The following CLSTN2 variants were observed in gnomAD, a reference collection of about 807,000 sequenced individuals.
CLSTN2 encodes calsyntenin-2.
Under a neutral mutation model 101.2 loss-of-function variants are expected in CLSTN2, and 48 were observed. The observed-to-expected ratio is 0.47, with a 90% CI of 0.38 to 0.60. The LOEUF is 0.60. Ranked by LOEUF, CLSTN2 falls within the 20% of genes least tolerant of loss-of-function variation. The pLI, the probability that CLSTN2 is intolerant of heterozygous loss-of-function variation, is 0.00. For missense variants in CLSTN2, 1,160 were observed against 1,238.2 expected (o/e 0.94, Z 0.95); for synonymous variants, 481 against 463.6 (o/e 1.04, Z -0.48).
rs2087446356 is a variant in CLSTN2 at position 140,336,840 on chromosome 3, GACA to G, written c.233-66787_233-66785del. Among the ~76,000 whole-genome samples, 4 of 152,176 alleles carry G rather than the reference GACA, an allele frequency of 2.6e-5. No homozygotes were observed. In the South Asian group the frequency reaches 8.3e-4, roughly 32 times the overall value. On this transcript the variant is annotated intron_variant, in intron 2 of 16. Transcript: ENST00000458420. ...GCCAAAGGCTTTTTGGCATTCACTGGACAATGGGCTAACGGGGCTGCGTCACAG... is the reference window on the plus strand; with the variant it reads ...GCCAAAGGCTTTTTGGCATTCACTGGATGGGCTAACGGGGCTGCGTCACAG...
intron 2 of CLSTN2, among the ~76,000 whole-genome samples, chr3:140,291,086 G>C (rs2086946880): frequency 6.6e-6 from 1 of 151,936 alleles, no homozygotes; most frequent in Admixed American, 6.6e-5. Context: ...TCATCTCTCT[G>C]AACACCAGAG....
At chr3:140,225,747 G>A (rs765759133) in intron 2 of CLSTN2, among the ~76,000 whole-genome samples, 7 of 151,996 alleles carry the variant, frequency 4.6e-5, no homozygotes, top group African/African-American at 1.2e-4. Flanking sequence ...CTACCACCTC[G>A]GCCTCCCAAA....
intron 1 of CLSTN2, among the ~76,000 whole-genome samples, chr3:140,036,213 G>C (rs1289144593): frequency 2.0e-5 from 3 of 152,122 alleles, no homozygotes; most frequent in Non-Finnish European, 1.5e-5. Context: ...AGGAGTGAGT[G>C]GTTGAGCATT....
At chr3:139,941,993 G>T (rs541487890) in intron 1 of CLSTN2, among the ~76,000 whole-genome samples, 91 of 152,152 alleles carry the variant, frequency 6.0e-4, no homozygotes, top group Non-Finnish European at 1.1e-3. Flanking sequence ...CTTGCCCAAA[G>T]TCTCAGAGCT....
chr3:140,393,605 C>T (rs534264916), intron 2 of CLSTN2, among the ~76,000 whole-genome samples: 4 of 152,234 alleles, frequency 2.6e-5, no homozygotes, highest in Admixed American at 6.5e-5. Context: ...TTGTATGGGA[C>T]TTCTTTAACT....
intron 2 of CLSTN2, among the ~76,000 whole-genome samples, chr3:140,381,891 A>G (rs2087989676): frequency 6.6e-6 from 1 of 152,232 alleles, no homozygotes; most frequent in Non-Finnish European, 1.5e-5. Flanking sequence ...TCTTCAAAGA[A>G]TAAATCTGGG....
chr3:140,471,491 C>T (rs1933847525), intron 8 of CLSTN2, among the ~76,000 whole-genome samples: 1 of 152,156 alleles, frequency 6.6e-6, no homozygotes, highest in African/African-American at 2.4e-5. Flanking sequence ...ATGCAAATGT[C>T]GGATTCATTC....
chr3:140,122,172 A>G (rs1036027088), intron 1 of CLSTN2, among the ~76,000 whole-genome samples: 3 of 152,198 alleles, frequency 2.0e-5, no homozygotes, highest in African/African-American at 7.2e-5. Context: ...AGGTTTGACT[A>G]CAATTATGGC....
chr3:140,005,395 C>A (rs1377739581), intron 1 of CLSTN2, among the ~76,000 whole-genome samples: 3 of 152,172 alleles, frequency 2.0e-5, no homozygotes, highest in African/African-American at 7.2e-5. Flanking sequence ...TTATTCCCTG[C>A]ATTTGGTGTT....
At chr3:140,369,853 C>T (rs1479553028) in intron 2 of CLSTN2, among the ~76,000 whole-genome samples, 3 of 152,208 alleles carry the variant, frequency 2.0e-5, no homozygotes, top group Admixed American at 2.0e-4. Context: ...CTATGGGTAG[C>T]ACCACCCAAA....
intron 5 of CLSTN2, among the ~76,000 whole-genome samples, chr3:140,444,644 C>T (rs1933034731): frequency 6.6e-6 from 1 of 152,172 alleles, no homozygotes; most frequent in Non-Finnish European, 1.5e-5. Context: ...CGGTAATTTA[C>T]CAATAATATA....
At chr3:140,055,770 A>G (rs1272218008) in intron 1 of CLSTN2, among the ~76,000 whole-genome samples, 1 of 152,232 alleles carries the variant, frequency 6.6e-6, no homozygotes, top group East Asian at 1.9e-4. Context: ...AGGAGGAAAC[A>G]TCTCATTTTC....
chr3:140,525,509 C>T (rs994852254), intron 8 of CLSTN2, among the ~76,000 whole-genome samples: 2 of 152,118 alleles, frequency 1.3e-5, no homozygotes, highest in Non-Finnish European at 2.9e-5. Context: ...CTGCAAAGAA[C>T]TGATACCAAT....
chr3:140,416,988 G>A (rs745751409), intron 4 of CLSTN2, among the ~76,000 whole-genome samples: 3 of 152,334 alleles, frequency 2.0e-5, no homozygotes, highest in Non-Finnish European at 4.4e-5. Context: ...GAATGGAAAA[G>A]TGTTATATGC....
At chr3:140,118,939 G>C (rs754678333) in intron 1 of CLSTN2, among the ~76,000 whole-genome samples, 74 of 152,102 alleles carry the variant, frequency 4.9e-4, no homozygotes, top group Admixed American at 1.3e-4. Flanking sequence ...TGGGGCTGAA[G>C]GTGGGTAAGA....
chr3:140,360,982 G>A (rs556136034), intron 2 of CLSTN2, among the ~76,000 whole-genome samples: 30 of 152,270 alleles, frequency 2.0e-4, no homozygotes, highest in African/African-American at 3.1e-4. Context: ...AAATAGAGGA[G>A]GAAGAAATAC....
chr3:140,438,455 C>CAAAAAAAAAAAAAAAAAA, intron 5 of CLSTN2, among the ~76,000 whole-genome samples: 3 of 21,790 alleles, frequency 1.4e-4, no homozygotes, highest in African/African-American at 1.0e-3. Flanking sequence ...AAAAAAAAAG[C>CAAAAAAAAAAAAAAAAAA]TTTGAAGCTG....
At chr3:140,082,745 G>A (rs946986947) in intron 1 of CLSTN2, among the ~76,000 whole-genome samples, 3 of 152,154 alleles carry the variant, frequency 2.0e-5, no homozygotes, top group Non-Finnish European at 2.9e-5. Context: ...AATCCATGAA[G>A]CCCCCATGAT....
intron 8 of CLSTN2, among the ~76,000 whole-genome samples, chr3:140,502,747 G>A (rs1462909764): frequency 1.3e-5 from 2 of 152,088 alleles, no homozygotes; most frequent in Admixed American, 6.5e-5. Flanking sequence ...CAGAAGTGGC[G>A]TACACAAAGT....
Sources: allele counts gnomAD v4.1 joint callset (sites outside exome capture counted in the v4.1 genomes callset), GRCh38; gene constraint gnomAD v4.1.1; transcripts MANE v1.5; gene names NCBI Gene and HGNC (gene_info 2026-07-23, HGNC 2026-07-21).